The following SLC35F1 variants were observed in gnomAD, a reference collection of about 807,000 sequenced individuals.
The protein encoded by SLC35F1 is solute carrier family 35 member F1, also known as chromosome 6 open reading frame 169.
Under a neutral mutation model 48.7 loss-of-function variants are expected in SLC35F1, and 14 were observed. That is an observed-to-expected ratio of 0.29 (90% CI 0.19 to 0.45). The LOEUF (loss-of-function observed/expected upper bound fraction) is 0.45, where lower values mean the gene tolerates loss of function less well. Among genes scored for constraint, SLC35F1 ranks in the 20% least tolerant of loss-of-function variants. The probability of loss-of-function intolerance (pLI) is 1.00; values close to 1 mark genes in which losing one functional copy is unlikely to be tolerated. For missense variants in SLC35F1, 404 were observed against 500.0 expected (o/e 0.81, Z 1.83); for synonymous variants, 190 against 202.2 (o/e 0.94, Z 0.51).
chr6:118,234,698 C>G (rs1220686802), intron 2 of SLC35F1, among the ~76,000 whole-genome samples: 1 of 152,190 alleles, frequency 6.6e-6, no homozygotes, highest in Non-Finnish European at 1.5e-5. Flanking sequence ...TATATAGTCA[C>G]CATTCACTAA....
intron 1 of SLC35F1, among the ~76,000 whole-genome samples, chr6:117,982,723 C>A (rs1189949359): frequency 6.6e-6 from 1 of 152,114 alleles, no homozygotes; most frequent in Non-Finnish European, 1.5e-5. Flanking sequence ...GAAGAGAGTG[C>A]AGTTAAGGCA....
At chr6:117,946,028 A>G (rs975889956) in intron 1 of SLC35F1, among the ~76,000 whole-genome samples, 12 of 152,196 alleles carry the variant, frequency 7.9e-5, no homozygotes, top group African/African-American at 2.9e-4. Flanking sequence ...GAACTGAAGA[A>G]CAGAAACTCT....
At chr6:118,273,689 T>C (rs1465398333) in intron 4 of SLC35F1, among the ~76,000 whole-genome samples, 1 of 152,222 alleles carries the variant, frequency 6.6e-6, no homozygotes, top group Non-Finnish European at 1.5e-5. Context: ...TTAATTTTCC[T>C]AAAAGATCTG....
In SLC35F1 at chr6:117,907,797, C is replaced by A; in HGVS notation, c.71C>A (p.Thr24Asn). The change falls in exon 1 of 8, where the codon ACC becomes AAC. Residue 24 changes from threonine to asparagine, a missense_variant. Transcript: ENST00000360388. Reference sequence around the variant, plus strand: ...CCAGCCCCGCCGAACCATGTGGTGACCACCATCGAGAACCTGCCGGCCGAG... The same window carrying A: ...CCAGCCCCGCCGAACCATGTGGTGAACACCATCGAGAACCTGCCGGCCGAG... ...PSPAPPNHVV[T>N]TIENLPAEGS... 6.4e-7 allele frequency: 1 copy of A among 1,558,536 alleles called. No homozygotes were observed. Among genetic ancestry groups the A allele is most frequent in the Non-Finnish European group, 8.6e-7 (1 of 1,161,544 alleles).
chr6:117,936,854 A>T (rs1434367316), intron 1 of SLC35F1, among the ~76,000 whole-genome samples: 1 of 152,338 alleles, frequency 6.6e-6, no homozygotes, highest in South Asian at 2.1e-4. Context: ...TTATGTAGGC[A>T]TCTATAAGAA....
intron 1 of SLC35F1, among the ~76,000 whole-genome samples, chr6:118,001,928 A>G (rs1216022096): frequency 3.4e-5 from 5 of 149,052 alleles, no homozygotes; most frequent in African/African-American, 1.2e-4. Context: ...TTAGAATGGC[A>G]ATCATTAAAA....
chr6:118,060,123 T>G (rs1227287867), intron 1 of SLC35F1, among the ~76,000 whole-genome samples: 1 of 152,212 alleles, frequency 6.6e-6, no homozygotes, highest in Non-Finnish European at 1.5e-5. Context: ...CTTGAGGTTT[T>G]GTATGCTTCC....
At chr6:118,084,928 C>A (rs1725152884) in intron 1 of SLC35F1, among the ~76,000 whole-genome samples, 1 of 152,102 alleles carries the variant, frequency 6.6e-6, no homozygotes, top group South Asian at 2.1e-4. Context: ...CAGACTTATG[C>A]CTTTCCCTGC....
intron 1 of SLC35F1, among the ~76,000 whole-genome samples, chr6:117,916,442 A>G (rs117201721): frequency 0.02 from 3,058 of 152,268 alleles, 47 homozygotes; most frequent in Non-Finnish European, 0.028. Context: ...GAGTGCATCT[A>G]ATCATGGATG....
At chr6:118,108,167 A>C (rs1382550908) in intron 1 of SLC35F1, among the ~76,000 whole-genome samples, 1 of 152,086 alleles carries the variant, frequency 6.6e-6, no homozygotes, top group Non-Finnish European at 1.5e-5. Flanking sequence ...CACACACACA[A>C]ACTGTGTTTC....
intron 1 of SLC35F1, among the ~76,000 whole-genome samples, chr6:117,917,099 C>CCT (rs150762848): frequency 6.7e-5 from 10 of 149,966 alleles, no homozygotes; most frequent in Middle Eastern, 3.4e-3. Flanking sequence ...GCTGGTCAGG[C>CCT]CTCTCTCTCT....
intron 7 of SLC35F1, among the ~76,000 whole-genome samples, chr6:118,306,640 A>G (rs983642149): frequency 6.6e-6 from 1 of 152,240 alleles, no homozygotes; most frequent in Non-Finnish European, 1.5e-5. Context: ...TAAATGAGCC[A>G]TTGAATGGCC....
intron 1 of SLC35F1, among the ~76,000 whole-genome samples, chr6:118,031,938 C>T (rs1310425806): frequency 6.6e-6 from 1 of 152,100 alleles, no homozygotes; most frequent in Non-Finnish European, 1.5e-5. Flanking sequence ...CTGCCCTGTC[C>T]CTGTTTTCCC....
chr6:117,923,794 C>CATATATACATATGCACATACATATGT lies in SLC35F1; in HGVS notation c.173+15907_173+15908insGCACATACATATGTATATATACATAT, dbSNP rs1775974569. Among the ~76,000 whole-genome samples the CATATATACATATGCACATACATATGT allele has an allele frequency of 1.2e-3, 116 of 99,336 alleles. 4 individuals carry two copies. Among genetic ancestry groups the CATATATACATATGCACATACATATGT allele is most frequent in the African/African-American group, 1.4e-3 (30 of 21,380 alleles). 65.2% of individuals were successfully genotyped at this position (99,336 alleles called of 152,430 possible). On this transcript the variant is annotated intron_variant, in intron 1 of 7. Transcript: ENST00000360388. ...ACATATGTATATATACATATATGTA[C>CATATATACATATGCACATACATATGT]ATATATACATATACACATACATATG...
chr6:118,263,139 C>T (rs532194231), intron 3 of SLC35F1, among the ~76,000 whole-genome samples: 37 of 152,284 alleles, frequency 2.4e-4, no homozygotes, highest in African/African-American at 8.7e-4. Flanking sequence ...TTCTTGCAAC[C>T]TCTGCCTCTC....
chr6:118,065,810 A>G (rs750385711), intron 1 of SLC35F1, among the ~76,000 whole-genome samples: 22 of 152,182 alleles, frequency 1.4e-4, no homozygotes, highest in Non-Finnish European at 2.5e-4. Context: ...AATTTGAACT[A>G]CTCATTTTTG....
At chr6:118,104,325 C>T (rs546122636) in intron 1 of SLC35F1, among the ~76,000 whole-genome samples, 4 of 152,212 alleles carry the variant, frequency 2.6e-5, no homozygotes, top group South Asian at 4.1e-4. Context: ...CTTGGCTTTA[C>T]CATTTGTTAA....
rs1343358296 is a variant in SLC35F1 at position 118,165,377 on chromosome 6, C to A, written c.349+10757C>A. On this transcript the variant is annotated intron_variant, in intron 2 of 7. Coordinates refer to ENST00000360388, the MANE Select transcript of SLC35F1 (RefSeq NM_001029858.4). ...ATGGTAAGAAAAGCATTCCTACTCC[C>A]TTGACTGAGACAGAACTTTTATTAC... 3.9e-5 allele frequency among the ~76,000 whole-genome samples: 6 copies of A among 152,146 alleles called. No individual in the cohort carries two copies. The East Asian group carries it at 1.2e-3, about 29-fold the overall frequency.
chr6:118,191,560 A>C (rs1215457527), intron 2 of SLC35F1, among the ~76,000 whole-genome samples: 9 of 152,158 alleles, frequency 5.9e-5, no homozygotes, highest in Admixed American at 5.9e-4. Context: ...TGAGATTATG[A>C]ACCGAAAGTT....
Sources: allele counts gnomAD v4.1 joint callset (sites outside exome capture counted in the v4.1 genomes callset), GRCh38; gene constraint gnomAD v4.1.1; transcripts MANE v1.5; gene names NCBI Gene and HGNC (gene_info 2026-07-23, HGNC 2026-07-21).